Variants in CYTH3 observed in about 807,000 individuals in gnomAD.
CYTH3 encodes the protein cytohesin 3, also known as cytohesin-3.
In CYTH3, 23 loss-of-function variants were observed where a neutral mutation model predicts 55.1. The observed-to-expected ratio is 0.42, with a 90% confidence interval of 0.30 to 0.59. The LOEUF is 0.59. CYTH3 is among the 20% of genes least tolerant of loss of function. The pLI, the probability that CYTH3 is intolerant of heterozygous loss-of-function variation, is 0.20. For missense variants in CYTH3, 413 were observed against 524.8 expected (o/e 0.79, Z 2.08); for synonymous variants, 249 against 194.9 (o/e 1.28, Z -2.31).
chr7:6,168,309 G>A lies in CYTH3; in HGVS notation c.823+2226C>T, dbSNP rs551096816. On this transcript the variant is annotated intron_variant, in intron 9 of 12. Transcript: ENST00000350796. ...GTAAGCCACGCCTGTGTACACAGCA[G>A]GGCTCCTACGCTCTGGCAAAGCATC... Among the ~76,000 whole-genome samples, 25 of 150,894 alleles carry A rather than the reference G, an allele frequency of 1.7e-4. No homozygotes were observed. The Middle Eastern group carries it at 0.024, about 144-fold the overall frequency.
chr7:6,197,579 A>G (rs1372925384), intron 1 of CYTH3, among the ~76,000 whole-genome samples: 2 of 152,154 alleles, frequency 1.3e-5, no homozygotes, highest in African/African-American at 2.4e-5. Context: ...GCTACCTGGG[A>G]GGGTGAAGCA....
At chr7:6,179,913 CACACA>C (rs1562881818) in intron 4 of CYTH3, among the ~76,000 whole-genome samples, 2 of 147,904 alleles carry the variant, frequency 1.4e-5, no homozygotes, top group Non-Finnish European at 3.0e-5. Context: ...CAACCACACA[CACACA>C]AACCACACAC....
intron 1 of CYTH3, among the ~76,000 whole-genome samples, chr7:6,266,104 C>T (rs1230169726): frequency 6.6e-6 from 1 of 152,052 alleles, no homozygotes; most frequent in Admixed American, 6.6e-5. Flanking sequence ...CCACCCTAAC[C>T]CACCAAGCCC....
At chr7:6,209,759 T>C (rs1434642485) in intron 1 of CYTH3, among the ~76,000 whole-genome samples, 1 of 152,148 alleles carries the variant, frequency 6.6e-6, no homozygotes, top group Admixed American at 6.5e-5. Context: ...ATCCAGACAA[T>C]GAAATATTAT....
At chr7:6,232,233 C>G (rs536534308) in intron 1 of CYTH3, among the ~76,000 whole-genome samples, 1 of 152,270 alleles carries the variant, frequency 6.6e-6, no homozygotes, top group African/African-American at 2.4e-5. Context: ...AATTGGTTCT[C>G]CAATCTTGGG....
At chr7:6,209,962 G>A (rs993236072) in intron 1 of CYTH3, among the ~76,000 whole-genome samples, 8 of 152,168 alleles carry the variant, frequency 5.3e-5, no homozygotes, top group African/African-American at 1.4e-4. Flanking sequence ...AGGGGGACAC[G>A]GACAGGGATG....
Position 6,174,271 on chromosome 7 carries a change from T to C in CYTH3, c.369-538A>G, listed in dbSNP as rs547343576. On this transcript the variant is annotated intron_variant, in intron 5 of 12. Transcript: ENST00000350796. ...CTGGGATTACAGGCATGCGCCACCA[T>C]GCCCGGCTAACTTTTGTATTTTTAG... is the stretch of plus-strand genomic sequence containing the variant. Among the ~76,000 whole-genome samples, 3 of 151,734 alleles carry C rather than the reference T, an allele frequency of 2.0e-5. No homozygotes were observed. The South Asian group carries it at 6.3e-4, about 32-fold the overall frequency.
chr7:6,272,413 C>T, intron 1 of CYTH3, 61 bp downstream of exon 1: 4 of 465,242 alleles, frequency 8.6e-6, no homozygotes, highest in Admixed American at 3.5e-5. Flanking sequence ...CGCCCTCGAC[C>T]CCCAGCCCCC....
At position 6,170,675 on chromosome 7, in the gene CYTH3, C is replaced by T; in HGVS notation, c.712-29G>A. On this transcript the variant is annotated intron_variant, in intron 8 of 12. Coordinates refer to ENST00000350796, the MANE Select transcript of CYTH3 (RefSeq NM_004227.4). This position sits in a 1 kb window ranked among gnomAD's most constrained non-coding sequence, Gnocchi z 7.8. ...CAAGGAGGGAAAACAGCAGCCAGTT[C>T]AGAGACTCGGAGGAAAATGGCTGGC... The T allele has an allele frequency of 6.2e-7, 1 of 1,604,056 alleles. No individual in the cohort carries two copies. Among genetic ancestry groups the T allele is most frequent in the Non-Finnish European group, 8.5e-7 (1 of 1,174,536 alleles).
Position 6,190,539 on chromosome 7 carries a change from A to T in CYTH3, c.35-8T>A. On this transcript the variant is annotated splice_region_variant and splice_polypyrimidine_tract_variant and intron_variant, in intron 1 of 12. Transcript: ENST00000350796. ...ATGAGAGGTCTTCAGGCACTGAAAG[A>T]AGAAAAAAATAATTAACTACTTTGG... The T allele has an allele frequency of 2.0e-6, 3 of 1,503,282 alleles. No homozygotes were observed. Among genetic ancestry groups the T allele is most frequent in the Non-Finnish European group, 2.6e-6 (3 of 1,137,118 alleles). 93.1% of individuals were successfully genotyped at this position (1,503,282 alleles called of 1,614,324 possible). A position where few individuals can be genotyped will look rare whatever the true frequency, so the allele number is the denominator to read the frequency against.
intron 1 of CYTH3, among the ~76,000 whole-genome samples, chr7:6,254,267 G>T (rs551294779): frequency 2.6e-5 from 4 of 151,732 alleles, no homozygotes; most frequent in Non-Finnish European, 5.9e-5. Flanking sequence ...GCCTAGATAG[G>T]TTTAAAAAAA....
intron 1 of CYTH3, among the ~76,000 whole-genome samples, chr7:6,200,452 A>T (rs1164192598): frequency 6.6e-6 from 1 of 152,206 alleles, no homozygotes; most frequent in Admixed American, 6.5e-5. Flanking sequence ...CGTACCCTGA[A>T]CAAAAATTTG....
intron 1 of CYTH3, among the ~76,000 whole-genome samples, chr7:6,236,184 A>T (rs965183240): frequency 6.6e-6 from 1 of 152,018 alleles, no homozygotes; most frequent in Non-Finnish European, 1.5e-5. Flanking sequence ...TATATAGGAT[A>T]TATTAACAGA....
At chr7:6,268,135 C>T (rs1332442602) in intron 1 of CYTH3, among the ~76,000 whole-genome samples, 7 of 151,946 alleles carry the variant, frequency 4.6e-5, no homozygotes, top group Non-Finnish European at 8.8e-5. Context: ...AATGGGAGCA[C>T]GCAATGCACA....
intron 2 of CYTH3, among the ~76,000 whole-genome samples, chr7:6,190,170 T>G (rs1783763842): frequency 6.6e-6 from 1 of 152,250 alleles, no homozygotes; most frequent in African/African-American, 2.4e-5. Context: ...GGCCCTGGGT[T>G]TGCGAGCTGG....
intron 1 of CYTH3, among the ~76,000 whole-genome samples, chr7:6,193,100 A>G (rs1783842574): frequency 1.3e-5 from 2 of 152,058 alleles, no homozygotes; most frequent in African/African-American, 4.8e-5. Flanking sequence ...TGAAACAGGA[A>G]AGCAAAGGTT....
intron 1 of CYTH3, among the ~76,000 whole-genome samples, chr7:6,235,569 C>T (rs78436895): frequency 0.05 from 7,589 of 152,162 alleles, 276 homozygotes; most frequent in Non-Finnish European, 0.076. Context: ...TCCCTAAGAG[C>T]GGCCCCTAGG....
At chr7:6,250,534 G>A (rs1430974152) in intron 1 of CYTH3, among the ~76,000 whole-genome samples, 3 of 152,156 alleles carry the variant, frequency 2.0e-5, no homozygotes, top group Non-Finnish European at 4.4e-5. Flanking sequence ...CAACACGGAT[G>A]AACCTGGGAA....
chr7:6,272,581 G>C lies in CYTH3; in HGVS notation c.-74C>G, dbSNP rs1208553337. On this transcript the variant is annotated 5_prime_UTR_variant, in exon 1 of 13. Coordinates refer to ENST00000350796, the MANE Select transcript of CYTH3 (RefSeq NM_004227.4). ...GCCGCGGGCTGGGGACGCCGCCGGAGGGAGCGCGCAGGCGACCGGGCGGCT... is the reference window on the plus strand; with the variant it reads ...GCCGCGGGCTGGGGACGCCGCCGGACGGAGCGCGCAGGCGACCGGGCGGCT... 36 of 1,126,798 alleles carry C rather than the reference G, an allele frequency of 3.2e-5. No individual in the cohort carries two copies. The highest frequency in any genetic ancestry group is 4.7e-5 in the East Asian group (1 of 21,068). 69.8% of individuals were successfully genotyped at this position (1,126,798 alleles called of 1,614,324 possible).
Sources: gnomAD v4.1 joint callset for allele counts (sites outside exome capture counted in the v4.1 genomes callset) on GRCh38, gnomAD v4.1.1 for gene constraint, Gnocchi (gnomAD v3.1) non-coding constraint, MANE v1.5 for transcripts, NCBI Gene and HGNC (gene_info 2026-07-23, HGNC 2026-07-21) for gene names.